The following PCDHA10 variants were observed in gnomAD, a reference collection of about 807,000 sequenced individuals.
PCDHA10 encodes protocadherin alpha-10.
PCDHA10 carries 45 observed loss-of-function variants against 61.2 expected under a neutral mutation model. The ratio of observed to expected loss-of-function variants is 0.74; its 90% CI spans 0.58 to 0.94. PCDHA10 has a LOEUF of 0.94. Ranked by LOEUF, PCDHA10 falls within the 40% of genes least tolerant of loss-of-function variation. The probability of loss-of-function intolerance (pLI) is 0.00; values close to 1 mark genes in which losing one functional copy is unlikely to be tolerated. For missense variants in PCDHA10, 1,278 were observed against 1,236.2 expected (o/e 1.03, Z -0.51); for synonymous variants, 602 against 548.8 (o/e 1.10, Z -1.35).
intron 1 of PCDHA10, among the ~76,000 whole-genome samples, chr5:140,975,601 G>A (rs943598203): frequency 1.2e-4 from 19 of 152,192 alleles, no homozygotes; most frequent in African/African-American, 4.6e-4. Flanking sequence ...GCAATTTGTT[G>A]ATGTCTTCCA....
At chr5:140,898,408 G>A (rs1189859035) in intron 1 of PCDHA10, among the ~76,000 whole-genome samples, 7 of 152,096 alleles carry the variant, frequency 4.6e-5, no homozygotes, top group African/African-American at 9.7e-5. Flanking sequence ...TTCTACATAC[G>A]GCTAGCCAGT....
chr5:140,856,273 G>A lies in PCDHA10; in HGVS notation c.225G>A (p.Glu75=), dbSNP rs1554148468. 1 of 1,598,340 alleles carries A rather than the reference G, an allele frequency of 6.3e-7. No homozygotes were observed. The highest frequency in any genetic ancestry group is 1.7e-5 in the Admixed American group (1 of 59,288). ...CCAAAAGACACGGGGACCTTCTGGA[G>A]GTAAATCTGCAGAATGGCATTTTGT... ...VASKRHGDLL[E]VNLQNGILFV... Residue 75 remains glutamate (E), a synonymous_variant, in exon 1 of 4, where the codon GAG becomes GAA. Coordinates refer to ENST00000307360, the MANE Select transcript of PCDHA10 (RefSeq NM_018901.4).
chr5:140,858,085 G>A lies in PCDHA10; in HGVS notation c.2037G>A (p.Ser679=), dbSNP rs782551513. 6.3e-7 allele frequency: 1 copy of A among 1,597,828 alleles called. No homozygotes were observed. The highest frequency in any genetic ancestry group is 8.6e-7 in the Non-Finnish European group (1 of 1,167,684). Residue 679 remains serine (S), a synonymous_variant, in exon 1 of 4, where the codon TCG becomes TCA. Coordinates refer to ENST00000307360, the MANE Select transcript of PCDHA10 (RefSeq NM_018901.4). ...VEGSQAPKAS[S]RASVGVAPEV... ...GCAGCCAGGCACCCAAGGCCTCGTCGCGGGCTTCAGTGGGCGTGGCGCCCG... is the reference window on the plus strand; with the variant it reads ...GCAGCCAGGCACCCAAGGCCTCGTCACGGGCTTCAGTGGGCGTGGCGCCCG...
intron 1 of PCDHA10, among the ~76,000 whole-genome samples, chr5:140,922,192 T>A (rs1279791359): frequency 6.6e-6 from 1 of 152,158 alleles, no homozygotes; most frequent in East Asian, 1.9e-4. Context: ...AAAAGTCTTA[T>A]CTTTAATGAA....
chr5:140,856,809 A>G lies in PCDHA10; in HGVS notation c.761A>G (p.Gln254Arg), dbSNP rs782118456. 11 of 1,594,544 alleles carry G rather than the reference A, an allele frequency of 6.9e-6. No homozygotes were observed. The African/African-American group carries it at 1.3e-4, about 20-fold the overall frequency. Reference protein sequence around the residue: ...PVYEVKMYENQVNQTLVIRLN... With the variant: ...PVYEVKMYENRVNQTLVIRLN... ...TATGAAGTTAAGATGTATGAAAATCAAGTGAACCAAACATTAGTAATACGG... is the reference window on the plus strand; with the variant it reads ...TATGAAGTTAAGATGTATGAAAATCGAGTGAACCAAACATTAGTAATACGG... Residue 254 changes from glutamine (Q) to arginine (R), a missense_variant, in exon 1 of 4, where the codon CAA (glutamine) becomes CGA (arginine). Coordinates refer to ENST00000307360, the MANE Select transcript of PCDHA10 (RefSeq NM_018901.4).
chr5:140,973,242 ATTC>A (rs1295527172), intron 1 of PCDHA10, among the ~76,000 whole-genome samples: 1 of 152,170 alleles, frequency 6.6e-6, no homozygotes, highest in Non-Finnish European at 1.5e-5. Context: ...GAAAGAGTTA[ATTC>A]TTCTTTCAGT....
intron 1 of PCDHA10, among the ~76,000 whole-genome samples, chr5:140,892,696 C>T (rs1005435710): frequency 4.6e-5 from 7 of 152,098 alleles, no homozygotes; most frequent in Admixed American, 6.6e-5. Context: ...ATAATAAAAT[C>T]AGGGTAATTA....
intron 1 of PCDHA10, among the ~76,000 whole-genome samples, chr5:140,911,002 C>A (rs1216727256): frequency 6.6e-6 from 1 of 152,114 alleles, no homozygotes; most frequent in Non-Finnish European, 1.5e-5. Context: ...CCCTAGGGCC[C>A]TCCTGGGACT....
chr5:140,922,176 CA>C (rs3836750), intron 1 of PCDHA10, among the ~76,000 whole-genome samples: 49,174 of 150,706 alleles, frequency 0.33, 8,259 homozygotes, highest in East Asian at 0.53. Context: ...GTACAGCAGA[CA>C]AAAAAAAAGT....
At chr5:140,871,774 T>C (rs1164981873) in intron 1 of PCDHA10, among the ~76,000 whole-genome samples, 1 of 152,254 alleles carries the variant, frequency 6.6e-6, no homozygotes, top group African/African-American at 2.4e-5. Context: ...GACTCTTCTG[T>C]AGTCACTTGA....
At position 140,882,350 on chromosome 5, in the gene PCDHA10, A is replaced by G. The variant is rs782733540; in HGVS notation, c.2388+23914A>G. ...GATCCTCGCAGCCTGGGAGACGGGT[A>G]GTGGCCAGCTCCACTACTCCGTCCC... is the stretch of plus-strand genomic sequence containing the variant. On this transcript the variant is annotated intron_variant, in intron 1 of 3. Transcript: ENST00000307360. The G allele has an allele frequency of 1.9e-6, 3 of 1,614,176 alleles. No individual in the cohort carries two copies. In the Admixed American group the frequency reaches 5.0e-5, roughly 27 times the overall value.
In PCDHA10 at chr5:140,927,795, G is replaced by T; in HGVS notation, c.2389-51154G>T. ...TGCAAGTAGCTGCTTCACTAGGTCC[G>T]CCTGAAACGCTCTTGGAGGCATACA... On this transcript the variant is annotated intron_variant, in intron 1 of 3. Transcript: ENST00000307360. The T allele has an allele frequency of 1.9e-6, 3 of 1,614,144 alleles. 1 individual carries two copies. The highest frequency in any genetic ancestry group is 2.2e-5 in the South Asian group (2 of 91,080).
At chr5:140,863,049 G>A (rs781969311) in intron 1 of PCDHA10, 1 of 561,608 alleles carries the variant, frequency 1.8e-6, no homozygotes, top group Non-Finnish European at 3.5e-6. Flanking sequence ...TCAGCTGGCA[G>A]CACCCGTTCC....
chr5:141,005,701 C>CAAAA (rs59860837), intron 3 of PCDHA10, among the ~76,000 whole-genome samples: 118 of 7,756 alleles, frequency 0.015, 2 homozygotes, highest in East Asian at 0.044. Flanking sequence ...AACTCCGTCT[C>CAAAA]AAAAAAAAAA....
Position 140,877,109 on chromosome 5 carries a change from G to A in PCDHA10, c.2388+18673G>A, listed in dbSNP as rs370191624. ...CGCGACGCCGGCGTGCCGCCTCTGG[G>A]CAGCAACGTGACGCTGCAGGTGTTC... is the stretch of plus-strand genomic sequence containing the variant. On this transcript the variant is annotated intron_variant, in intron 1 of 3. Transcript: ENST00000307360. The A allele has an allele frequency of 9.3e-6, 15 of 1,613,472 alleles. No individual in the cohort carries two copies. In the African/African-American group the frequency reaches 1.9e-4, roughly 20 times the overall value.
chr5:140,872,560 A>G (rs944323027), intron 1 of PCDHA10, among the ~76,000 whole-genome samples: 1 of 152,156 alleles, frequency 6.6e-6, no homozygotes, highest in African/African-American at 2.4e-5. Context: ...CCAGGGGTTC[A>G]GGGCTGCAGT....
chr5:140,985,643 A>G (rs564908892), intron 3 of PCDHA10, among the ~76,000 whole-genome samples: 1 of 151,200 alleles, frequency 6.6e-6, no homozygotes, highest in Non-Finnish European at 1.5e-5. Context: ...TCATCCCAAC[A>G]CTTGCAATGG....
At chr5:140,862,549 C>T in intron 1 of PCDHA10, 3 of 457,652 alleles carry the variant, frequency 6.6e-6, no homozygotes, top group South Asian at 5.1e-5. Context: ...TGGAAGTGGC[C>T]GAACAGTGAA....
At chr5:140,983,437 A>C (rs1046174445) in intron 3 of PCDHA10, among the ~76,000 whole-genome samples, 1 of 152,202 alleles carries the variant, frequency 6.6e-6, no homozygotes, top group African/African-American at 2.4e-5. Flanking sequence ...AATTGTGTCT[A>C]CTCTAATCCT....
Sources: allele counts gnomAD v4.1 joint callset (sites outside exome capture counted in the v4.1 genomes callset), GRCh38; gene constraint gnomAD v4.1.1; transcripts MANE v1.5; gene names NCBI Gene and HGNC (gene_info 2026-07-23, HGNC 2026-07-21).